The following COPG2 variants were observed in gnomAD, a reference collection of about 807,000 sequenced individuals.
COPG2 encodes the protein coatomer subunit gamma-2.
Under a neutral mutation model 46.3 loss-of-function variants are expected in COPG2, and 37 were observed. The ratio of observed to expected loss-of-function variants is 0.80; its 90% CI spans 0.61 to 1.05. COPG2 has a LOEUF of 1.05. Among genes scored for constraint, COPG2 ranks in the 50% least tolerant of loss-of-function variants. The probability of loss-of-function intolerance (pLI) is 0.00; values close to 1 mark genes in which losing one functional copy is unlikely to be tolerated. For synonymous variants in COPG2, 159 were observed against 129.7 expected (o/e 1.23, Z -1.53); for missense variants, 427 against 387.8 (o/e 1.10, Z -0.85).
At chr7:130,537,085 TTC>T (rs1799887494) in intron 20 of COPG2, among the ~76,000 whole-genome samples, 1 of 151,868 alleles carries the variant, frequency 6.6e-6, no homozygotes, top group South Asian at 2.1e-4. Context: ...ACTGGGTGCA[TTC>T]GTACCGGGGG....
intron 9 of COPG2, among the ~76,000 whole-genome samples, chr7:130,578,165 TGC>T (rs1794050148): frequency 6.7e-6 from 1 of 149,932 alleles, no homozygotes; most frequent in Non-Finnish European, 1.5e-5. Flanking sequence ...ACGGGCAGAC[TGC>T]CTCCTCAAGT....
chr7:130,590,938 G>A (rs1241471485), intron 9 of COPG2, among the ~76,000 whole-genome samples: 4 of 150,006 alleles, frequency 2.7e-5, no homozygotes, highest in Non-Finnish European at 4.4e-5. Context: ...CCCTCTGCCC[G>A]GCAGCCACAC....
chr7:130,528,507 G>C (rs2116355317), intron 20 of COPG2, among the ~76,000 whole-genome samples: 1 of 152,230 alleles, frequency 6.6e-6, no homozygotes, highest in Non-Finnish European at 1.5e-5. Flanking sequence ...GCCAGGTCAA[G>C]AAGGGAGGAG....
At position 130,506,791 on chromosome 7, in the gene COPG2, C is replaced by A; in HGVS notation, c.2501G>T (p.Gly834Val). The stretch of plus-strand genomic sequence containing the variant: ...CCTGGACCTCACCAATAAATCATAG[C>A]CACCTCTGAATATACCTGAGAGAAA... ...SLYLAGIFRG[G>V]YDLLVRSRLA... The change falls in exon 24 of 24, where the codon GGC becomes GTC. Residue 834 changes from glycine (G) to valine (V), a missense_variant. Coordinates refer to ENST00000425248, the MANE Select transcript of COPG2 (RefSeq NM_012133.6). 1.3e-6 allele frequency: 1 copy of A among 779,478 alleles called. No homozygotes were observed. Among genetic ancestry groups the A allele is most frequent in the Non-Finnish European group, 2.4e-6 (1 of 417,292 alleles). 48.3% of individuals were successfully genotyped at this position (779,478 alleles called of 1,614,324 possible).
chr7:130,603,130 T>C (rs919122560), intron 9 of COPG2, among the ~76,000 whole-genome samples: 1 of 152,190 alleles, frequency 6.6e-6, no homozygotes, highest in African/African-American at 2.4e-5. Flanking sequence ...GTGTTACACA[T>C]GACAGTATGA....
chr7:130,614,892 A>G, intron 6 of COPG2, among the ~76,000 whole-genome samples: 1 of 152,208 alleles, frequency 6.6e-6, no homozygotes, highest in East Asian at 1.9e-4. Flanking sequence ...TATTCCTTGC[A>G]GTCTTACCAT....
intron 5 of COPG2, among the ~76,000 whole-genome samples, chr7:130,639,988 G>A (rs1795431670): frequency 6.6e-6 from 1 of 151,990 alleles, no homozygotes; most frequent in Admixed American, 6.6e-5. Flanking sequence ...TTTTCTCAGT[G>A]GTAGGTTTCT....
At chr7:130,573,699 G>A (rs1422537642) in intron 9 of COPG2, among the ~76,000 whole-genome samples, 1 of 151,996 alleles carries the variant, frequency 6.6e-6, no homozygotes, top group East Asian at 1.9e-4. Context: ...AAAGTCAATT[G>A]ACAAAATCTA....
Position 130,664,739 on chromosome 7 carries a change from A to C in COPG2, c.172-1701T>G, listed in dbSNP as rs539424992. ...ACTCTCAATCAACTTTGACTATTCAAAACTTTTGTTTATACAATGGATTTG... is the reference window on the plus strand; with the variant it reads ...ACTCTCAATCAACTTTGACTATTCACAACTTTTGTTTATACAATGGATTTG... On this transcript the variant is annotated intron_variant, in intron 3 of 23. Coordinates refer to ENST00000425248, the MANE Select transcript of COPG2 (RefSeq NM_012133.6). Among the ~76,000 whole-genome samples the C allele has an allele frequency of 4.6e-5, 7 of 152,370 alleles. No individual in the cohort carries two copies. The East Asian group carries it at 1.3e-3, about 29-fold the overall frequency.
intron 13 of COPG2, 142 bp from the exon 14 acceptor site, chr7:130,554,866 T>C (rs1793594953): frequency 5.0e-6 from 2 of 397,552 alleles, no homozygotes; most frequent in African/African-American, 4.1e-5. Flanking sequence ...TTTCTCCAAG[T>C]GGGGAAAGCA....
intron 20 of COPG2, 79 bp from the exon 21 acceptor site, chr7:130,508,738 C>A (rs1050396542): frequency 1.5e-6 from 1 of 679,302 alleles, no homozygotes; most frequent in Middle Eastern, 2.4e-4. Flanking sequence ...GTACTCAGCA[C>A]TGTGTTCCAC....
intron 20 of COPG2, among the ~76,000 whole-genome samples, chr7:130,545,517 T>C (rs987051413): frequency 1.3e-3 from 195 of 152,332 alleles, no homozygotes; most frequent in Non-Finnish European, 2.2e-3. Flanking sequence ...TATTACCATC[T>C]ATGCCCTGGT....
intron 5 of COPG2, among the ~76,000 whole-genome samples, chr7:130,622,360 A>G (rs1169850979): frequency 1.3e-5 from 2 of 152,204 alleles, no homozygotes; most frequent in Non-Finnish European, 2.9e-5. Context: ...AAAAACACTC[A>G]GTGCATACCT....
At chr7:130,662,636 C>T (rs1796000863) in intron 4 of COPG2, among the ~76,000 whole-genome samples, 1 of 152,218 alleles carries the variant, frequency 6.6e-6, no homozygotes, top group Non-Finnish European at 1.5e-5. Flanking sequence ...TAACAGCAAT[C>T]CCAGGCCCAC....
chr7:130,569,242 C>T (rs983993843), intron 9 of COPG2, among the ~76,000 whole-genome samples: 1 of 151,770 alleles, frequency 6.6e-6, no homozygotes, highest in Non-Finnish European at 1.5e-5. Flanking sequence ...ACAACAACAA[C>T]AAAAAATACA....
chr7:130,591,540 G>A (rs868951207), intron 9 of COPG2, among the ~76,000 whole-genome samples: 68 of 111,910 alleles, frequency 6.1e-4, no homozygotes, highest in South Asian at 2.1e-3. Flanking sequence ...CTGCCCGGCC[G>A]CCCCTACTGG....
chr7:130,641,722 A>T (rs183056670), intron 5 of COPG2, among the ~76,000 whole-genome samples: 2 of 152,152 alleles, frequency 1.3e-5, no homozygotes, highest in East Asian at 3.8e-4. Flanking sequence ...TTCAGAAGTA[A>T]TTATTCAGGA....
At chr7:130,545,975 G>A (rs1793436529) in intron 20 of COPG2, among the ~76,000 whole-genome samples, 2 of 152,222 alleles carry the variant, frequency 1.3e-5, no homozygotes, top group South Asian at 4.2e-4. Flanking sequence ...ATACTTTCTG[G>A]GGTGTGAGCC....
At chr7:130,668,390 C>T (rs1341022599) in intron 1 of COPG2, among the ~76,000 whole-genome samples, 1 of 148,498 alleles carries the variant, frequency 6.7e-6, no homozygotes. Context: ...GGGGCGGGAA[C>T]GGGGCGCGCG....
Sources: allele counts gnomAD v4.1 joint callset (sites outside exome capture counted in the v4.1 genomes callset), GRCh38; gene constraint gnomAD v4.1.1; transcripts MANE v1.5; gene names NCBI Gene and HGNC (gene_info 2026-07-23, HGNC 2026-07-21).